Variants in IGFLR1 observed in about 807,000 individuals in gnomAD.
IGFLR1 encodes IGF like family receptor 1, also known as IGF-like family receptor 1.
Under a neutral mutation model 23.4 loss-of-function variants are expected in IGFLR1, and 17 were observed. The ratio of observed to expected loss-of-function variants is 0.73; its 90% CI spans 0.50 to 1.09. IGFLR1 has a LOEUF of 1.09. Ranked by LOEUF, IGFLR1 falls within the 50% of genes least tolerant of loss-of-function variation. The pLI is 0.00. For missense variants in IGFLR1, 556 were observed against 459.2 expected (o/e 1.21, Z -1.93); for synonymous variants, 265 against 210.7 (o/e 1.26, Z -2.23).
chr19:35,740,333 C>A, intron 3 of IGFLR1, 47 bp downstream of exon 3: 1 of 1,502,720 alleles, frequency 6.7e-7, no homozygotes, highest in South Asian at 1.3e-5. Flanking sequence ...ACATCTAGGC[C>A]CCCCACCTCC....
At chr19:35,742,252 A>G in intron 1 of IGFLR1, 144 bp downstream of exon 1, 1 of 576,234 alleles carries the variant, frequency 1.7e-6, no homozygotes, top group Non-Finnish European at 2.7e-6. Flanking sequence ...ACCACCTCCC[A>G]GCACCTCACC....
At chr19:35,741,627 C>G (rs945788834) in intron 1 of IGFLR1, 1 of 126,906 alleles carries the variant, frequency 7.9e-6, no homozygotes, top group Non-Finnish European at 1.6e-5. Flanking sequence ...GAGAGATCAG[C>G]CTGGACAACA....
chr19:35,739,908 C>T lies in IGFLR1; in HGVS notation c.523G>A (p.Val175Met), dbSNP rs376992247. ...VVLVLLLTLA[V>M]IAILLFILLW... is the part of the protein sequence containing the mutation. ...AGAATAAACAGGAGGATCGCTATCA[C>T]CGCCAAGGTCAGGAGCAGGACCAGC... Residue 175 changes from valine (V) to methionine (M), a missense_variant, in exon 4 of 5, where the codon GTG becomes ATG. Val to Met is a conservative substitution (Grantham distance 21, BLOSUM62 1). Transcript: ENST00000246532. 1.5e-4 allele frequency: 238 copies of T among 1,614,048 alleles called. No individual in the cohort carries two copies. Among genetic ancestry groups the T allele is most frequent in the Non-Finnish European group, 1.9e-4 (225 of 1,180,026 alleles).
Position 35,740,051 on chromosome 19 carries a change from G to A in IGFLR1, c.380C>T (p.Pro127Leu). Residue 127 changes from proline to leucine, a missense_variant, in exon 4 of 5, where the codon CCT becomes CTT. Pro to Leu is a moderately conservative substitution (Grantham distance 98, BLOSUM62 -3). Coordinates refer to ENST00000246532, the MANE Select transcript of IGFLR1 (RefSeq NM_024660.4). ...GGAGCTAGGGGCGCCTGGGTTTCCA[G>A]GTGTGAGGGGGCAGTGCCCCTTGGC... is the stretch of plus-strand genomic sequence containing the variant. Reference protein sequence around the residue: ...VPAKGHCPLTPGNPGAPSSQE... With the variant: ...VPAKGHCPLTLGNPGAPSSQE... The A allele has an allele frequency of 6.2e-7, 1 of 1,613,852 alleles. No homozygotes were observed. Among genetic ancestry groups the A allele is most frequent in the Non-Finnish European group, 8.5e-7 (1 of 1,179,944 alleles).
rs1970150482 is a variant in IGFLR1, at chr19:35,740,488, A to G, written c.234T>C (p.Ser78=). 1.2e-6 allele frequency: 2 copies of G among 1,612,922 alleles called. No individual in the cohort carries two copies. Among genetic ancestry groups the G allele is most frequent in the Non-Finnish European group, 1.7e-6 (2 of 1,179,860 alleles). The change falls in exon 3 of 5, where the codon TCT becomes TCC. Residue 78 remains serine, a synonymous_variant. Transcript: ENST00000246532. ...FVTPPFRKCS[S]GQCNPDGAEL... The stretch of plus-strand genomic sequence containing the variant: ...CCGCGCCGTCGGGGTTGCACTGCCC[A>G]GAAGAACACTTTCGGAACGGGGGCG...
chr19:35,740,921 C>A, intron 2 of IGFLR1, 103 bp downstream of exon 2: 1 of 1,124,792 alleles, frequency 8.9e-7, no homozygotes, highest in Middle Eastern at 2.9e-4. Flanking sequence ...CGCTTAGACC[C>A]CTAAGCAAGC....
intron 1 of IGFLR1, 64 bp from the exon 2 acceptor site, chr19:35,741,287 A>C: frequency 2.1e-5 from 31 of 1,498,406 alleles, no homozygotes; most frequent in Non-Finnish European, 2.7e-5. Flanking sequence ...CAGAATTCTC[A>C]CGCCTCTTCG....
In IGFLR1 at chr19:35,740,196, G is replaced by A. The variant is rs1235898624; in HGVS notation, c.343-108C>T. The A allele has an allele frequency of 9.3e-6, 13 of 1,403,372 alleles. No individual in the cohort carries two copies. In the East Asian group the frequency reaches 1.2e-4, roughly 13 times the overall value. 86.9% of individuals were successfully genotyped at this position (1,403,372 alleles called of 1,614,324 possible). On this transcript the variant is annotated intron_variant, in intron 3 of 4. Transcript: ENST00000246532. ...ATGGGGCCACATCCCATCTGATACGGTATCTGATAAGGTAGTTGGGCCCCG... is the reference window on the plus strand; with the variant it reads ...ATGGGGCCACATCCCATCTGATACGATATCTGATAAGGTAGTTGGGCCCCG...
At position 35,740,372 on chromosome 19, in the gene IGFLR1, A is replaced by C; in HGVS notation, c.342+8T>G. On this transcript the variant is annotated splice_region_variant and intron_variant, in intron 3 of 4. Transcript: ENST00000246532. ...ACGCCCTTGCCCTGCCGGGAGTCCC[A>C]TCTGCACCTCTCTGCAGCGCCACGG... is the stretch of plus-strand genomic sequence containing the variant. The C allele has an allele frequency of 6.3e-7, 1 of 1,578,244 alleles. No homozygotes were observed. Among genetic ancestry groups the C allele is most frequent in the Non-Finnish European group, 8.6e-7 (1 of 1,163,458 alleles).
Position 35,741,175 on chromosome 19 carries a change from C to A in IGFLR1, c.6G>T (p.Gly2=), listed in dbSNP as rs1970210426. The A allele has an allele frequency of 6.2e-7, 1 of 1,610,224 alleles. No individual in the cohort carries two copies. The highest frequency in any genetic ancestry group is 1.7e-5 in the Admixed American group (1 of 59,574). M[G]PGRCLLTALL... ...AGGCCGTCAGGAGGCATCGTCCAGG[C>A]CCCATCTGGGGGGCCGTGATAGCGG... is the stretch of plus-strand genomic sequence containing the variant. Residue 2 remains glycine (G), a synonymous_variant, in exon 2 of 5, where the codon GGG becomes GGT. Coordinates refer to ENST00000246532, the MANE Select transcript of IGFLR1 (RefSeq NM_024660.4).
At position 35,739,560 on chromosome 19, in the gene IGFLR1, A is replaced by C; in HGVS notation, c.788T>G (p.Leu263Arg). The change falls in exon 5 of 5, where the codon CTG becomes CGG. Residue 263 changes from leucine to arginine, a missense_variant. Physicochemically the swap from Leu to Arg is moderately radical, Grantham distance 102. Transcript: ENST00000246532. ...AGGCTCAGGGTCCAGCAGTACAATC[A>C]GCTCTTCCAGCACCTCCAGCTCATC... ...LLDELEVLEELIVLLDPEPGP... is the reference protein window; with the variant it reads ...LLDELEVLEERIVLLDPEPGP... 1 of 1,613,966 alleles carries C rather than the reference A, an allele frequency of 6.2e-7. No homozygotes were observed. The highest frequency in any genetic ancestry group is 8.5e-7 in the Non-Finnish European group (1 of 1,179,894).
chr19:35,741,441 C>T, intron 1 of IGFLR1: 1 of 522,454 alleles, frequency 1.9e-6, no homozygotes, highest in Non-Finnish European at 3.4e-6. Context: ...CTCACCCACC[C>T]ACCCTCCCTT....
rs1341190038 is a variant in IGFLR1 at position 35,739,586 on chromosome 19, C to T, written c.762G>A (p.Leu254=). 6.8e-6 allele frequency: 11 copies of T among 1,613,730 alleles called. No individual in the cohort carries two copies. The highest frequency in any genetic ancestry group is 8.5e-6 in the Non-Finnish European group (10 of 1,179,810). ...GCTCTTCCAGCACCTCCAGCTCATCCAGGAGGCGAGACAGGGGTTGTGACG... is the reference window on the plus strand; with the variant it reads ...GCTCTTCCAGCACCTCCAGCTCATCTAGGAGGCGAGACAGGGGTTGTGACG... ...SLASQPLSRL[L]DELEVLEELI... The change falls in exon 5 of 5, where the codon CTG becomes CTA. Residue 254 remains leucine (L), a synonymous_variant. Coordinates refer to ENST00000246532, the MANE Select transcript of IGFLR1 (RefSeq NM_024660.4).
intron 1 of IGFLR1, 93 bp from the exon 2 acceptor site, chr19:35,741,316 C>G (rs1280710733): frequency 4.5e-6 from 6 of 1,336,502 alleles, no homozygotes; most frequent in Non-Finnish European, 6.2e-6. Flanking sequence ...GAATCTACCC[C>G]CGAGCCCTCA....
intron 3 of IGFLR1, 63 bp from the exon 4 acceptor site, chr19:35,740,151 T>C: frequency 6.6e-7 from 1 of 1,507,280 alleles, no homozygotes; most frequent in Non-Finnish European, 8.8e-7. Flanking sequence ...CTCCCAAACC[T>C]CCCAACTTTA....
chr19:35,739,034 G>A lies in IGFLR1; in HGVS notation c.*246C>T. ...AGTCATGGGGTCTGTTACGGCTTCA[G>A]AACAACACAACACAGCAACTGTCTG... On this transcript the variant is annotated 3_prime_UTR_variant, in exon 5 of 5. Transcript: ENST00000246532. 1 of 550,698 alleles carries A rather than the reference G, an allele frequency of 1.8e-6. No individual in the cohort carries two copies. Among genetic ancestry groups the A allele is most frequent in the East Asian group, 3.0e-5 (1 of 32,996 alleles). 34.1% of individuals were successfully genotyped at this position (550,698 alleles called of 1,614,324 possible).
chr19:35,740,077 AG>A lies in IGFLR1; in HGVS notation c.353del (p.Pro118LeufsTer54). ...TPWRCRERPVPAKGHCPLTPG... is the reference protein window; with the variant it reads ...TPWRCRERPVXAKGHCPLTPG... ...GTGTGAGGGGGCAGTGCCCCTTGGC[AG>A]GGACCGGCCTCTGGGGATAAGGGGT... On this transcript the variant is annotated frameshift_variant, in exon 4 of 5. Transcript: ENST00000246532. LOFTEE classifies it high-confidence loss of function. 1 of 1,612,332 alleles carries A rather than the reference AG, an allele frequency of 6.2e-7. No individual in the cohort carries two copies. Among genetic ancestry groups the A allele is most frequent in the Non-Finnish European group, 8.5e-7 (1 of 1,179,538 alleles).
rs749264647 is a variant in IGFLR1, at chr19:35,741,058, G to T, written c.123C>A (p.Ser41Arg). 1 of 1,608,680 alleles carries T rather than the reference G, an allele frequency of 6.2e-7. No homozygotes were observed. Among genetic ancestry groups the T allele is most frequent in the South Asian group, 1.1e-5 (1 of 90,480 alleles). ...GGGGCGGCCCGAAGCGTTGCAGGCA[G>T]CTGCTGCAGCACTTGTTGTCTGGGT... is the stretch of plus-strand genomic sequence containing the variant. The part of the protein sequence containing the change: ...YWNPDNKCCS[S>R]CLQRFGPPPC... The change falls in exon 2 of 5, where the codon AGC becomes AGA. Residue 41 changes from serine (S) to arginine (R), a missense_variant. Ser to Arg is a moderately radical substitution (Grantham distance 110). Transcript: ENST00000246532.
intron 2 of IGFLR1, chr19:35,740,822 G>A (rs536196790): frequency 4.6e-6 from 3 of 647,860 alleles, no homozygotes; most frequent in South Asian, 3.9e-5. Context: ...CGCCTCTCCA[G>A]CCATATCCAT....
Sources: gnomAD v4.1 joint callset for allele counts on GRCh38, gnomAD v4.1.1 for gene constraint, MANE v1.5 for transcripts, NCBI Gene and HGNC (gene_info 2026-07-23, HGNC 2026-07-21) for gene names.